Variants in FRA10AC1 observed in about 807,000 individuals in gnomAD.
FRA10AC1 encodes protein FRA10AC1.
In FRA10AC1, 43 loss-of-function variants were observed where a neutral mutation model predicts 56.5. The ratio of observed to expected loss-of-function variants is 0.76; its 90% confidence interval spans 0.60 to 0.98. The LOEUF is 0.98. Among genes scored for constraint, FRA10AC1 ranks in the 50% least tolerant of loss-of-function variants. The pLI, the probability that FRA10AC1 is intolerant of heterozygous loss-of-function variation, is 0.00. For missense variants in FRA10AC1, 346 were observed against 351.8 expected, an observed-to-expected ratio of 0.98 and a Z score of 0.13; for synonymous variants, 112 against 110.5, an observed-to-expected ratio of 1.01 and a Z score of -0.09.
At chr10:93,693,673 C>CCATATATATATACACCATATATATATAT (rs2059179282) in intron 5 of FRA10AC1, among the ~76,000 whole-genome samples, 1 of 92,094 alleles carries the variant, frequency 1.1e-5, no homozygotes, top group Non-Finnish European at 2.4e-5. Flanking sequence ...ATATATACAC[C>CCATATATATATACACCATATATATATAT]ATATATATAT....
intron 9 of FRA10AC1, 134 bp downstream of exon 9, chr10:93,685,112 T>C (rs1317181956): frequency 1.7e-6 from 1 of 577,740 alleles, no homozygotes; most frequent in Non-Finnish European, 3.0e-6. Flanking sequence ...TTTGAGACTT[T>C]GGGAAGCTCC....
At chr10:93,695,557 C>T (rs1204396776) in intron 4 of FRA10AC1, among the ~76,000 whole-genome samples, 1 of 151,914 alleles carries the variant, frequency 6.6e-6, no homozygotes, top group East Asian at 1.9e-4. Flanking sequence ...TTTTAAAAAG[C>T]TCAACAGCAC....
At chr10:93,693,501 TATATATACAC>T (rs2059163571) in intron 5 of FRA10AC1, among the ~76,000 whole-genome samples, 1 of 39,828 alleles carries the variant, frequency 2.5e-5, no homozygotes, top group Non-Finnish European at 7.6e-5. Flanking sequence ...TATATATATA[TATATATACAC>T]CATATATATA....
chr10:93,694,592 T>C (rs2059196715), intron 5 of FRA10AC1, among the ~76,000 whole-genome samples: 1 of 151,782 alleles, frequency 6.6e-6, no homozygotes, highest in Non-Finnish European at 1.5e-5. Flanking sequence ...CAGGAGCCTG[T>C]AATCCCAGCT....
At position 93,698,156 on chromosome 10, in the gene FRA10AC1, G is replaced by T; in HGVS notation, c.199C>A (p.His67Asn). Residue 67 changes from histidine to asparagine, a missense_variant, in exon 4 of 14, where the codon CAT becomes AAT. Physicochemically the swap from His to Asn is moderately conservative, Grantham distance 68 (BLOSUM62 1). Transcript: ENST00000359204. ...DREEARNRRFHLIAMDAYQRH... is the reference protein window; with the variant it reads ...DREEARNRRFNLIAMDAYQRH... Reference sequence around the variant, plus strand: ...GATACAGCATCCATAGCTATGAGATGAAACCTTCTATTTCTTGCTTCTTCC... The same window carrying T: ...GATACAGCATCCATAGCTATGAGATTAAACCTTCTATTTCTTGCTTCTTCC... 1 of 1,579,620 alleles carries T rather than the reference G, an allele frequency of 6.3e-7. No individual in the cohort carries two copies. The highest frequency in any genetic ancestry group is 8.6e-7 in the Non-Finnish European group (1 of 1,159,114).
chr10:93,669,875 A>C lies in FRA10AC1; in HGVS notation c.906-7T>G. The C allele has an allele frequency of 8.6e-7, 1 of 1,159,014 alleles. No individual in the cohort carries two copies. The highest frequency in any genetic ancestry group is 1.2e-6 in the Non-Finnish European group (1 of 832,568). 71.8% of individuals were successfully genotyped at this position (1,159,014 alleles called of 1,614,324 possible). A position where few individuals can be genotyped will look rare whatever the true frequency, so the allele number is the denominator to read the frequency against. ...CTCATCAAATTCTTCTTCCCTATTT[A>C]AAAAAAAAAGCATACTTAAGATCAA... On this transcript the variant is annotated splice_region_variant and splice_polypyrimidine_tract_variant and intron_variant, in intron 13 of 13. Coordinates refer to ENST00000359204, the MANE Select transcript of FRA10AC1 (RefSeq NM_145246.5).
chr10:93,694,891 C>G lies in FRA10AC1; in HGVS notation c.266G>C (p.Gly89Ala), dbSNP rs1205987621. The change falls in exon 5 of 14, where the codon GGT becomes GCT. Residue 89 changes from glycine (G) to alanine (A), a missense_variant. Transcript: ENST00000359204. ...ACGCTTGAAGTCTTCTTTTTTGCCA[C>G]CATAGTATAAAATATAGTCATTTAC... is the stretch of plus-strand genomic sequence containing the variant. ...KFVNDYILYY[G>A]GKKEDFKRLG... 6.3e-7 allele frequency: 1 copy of G among 1,586,898 alleles called. No homozygotes were observed. The highest frequency in any genetic ancestry group is 8.7e-7 in the Non-Finnish European group (1 of 1,155,738).
At chr10:93,702,804 C>G (rs1281965445), upstream of FRA10AC1, among the ~76,000 whole-genome samples, 2 of 151,722 alleles carry the variant, frequency 1.3e-5, no homozygotes, top group African/African-American at 4.8e-5. Flanking sequence ...CATCTAGTAC[C>G]GCTGGCACTG....
Position 93,693,507 on chromosome 10 carries a change from T to C in FRA10AC1, c.297-778A>G, listed in dbSNP as rs1330457044. On this transcript the variant is annotated intron_variant, in intron 5 of 13. Transcript: ENST00000359204. ...GTATATATATATATATATATATATA[T>C]ACACCATATATATATATATACACCA... Among the ~76,000 whole-genome samples the C allele has an allele frequency of 4.6e-3, 117 of 25,514 alleles. 13 individuals carry two copies. Among genetic ancestry groups the C allele is most frequent in the East Asian group, 8.5e-3 (5 of 588 alleles). 16.7% of individuals were successfully genotyped at this position (25,514 alleles called of 152,430 possible).
intron 4 of FRA10AC1, among the ~76,000 whole-genome samples, chr10:93,695,373 A>C (rs1430841343): frequency 6.6e-6 from 1 of 151,814 alleles, no homozygotes; most frequent in Non-Finnish European, 1.5e-5. Flanking sequence ...AAAGCCTCTA[A>C]ATAGAAGATG....
In FRA10AC1 at chr10:93,670,879, A is replaced by G. The variant is rs1206594063; in HGVS notation, c.827-31T>C. 3 of 1,402,606 alleles carry G rather than the reference A, an allele frequency of 2.1e-6. No individual in the cohort carries two copies. The South Asian group carries it at 3.5e-5, about 16-fold the overall frequency. 86.9% of individuals were successfully genotyped at this position (1,402,606 alleles called of 1,614,324 possible). ...CATTTAAAAAAGATGATTTTTAAAAACCTATTATACTTAAAGCACATTTTG... is the reference window on the plus strand; with the variant it reads ...CATTTAAAAAAGATGATTTTTAAAAGCCTATTATACTTAAAGCACATTTTG... On this transcript the variant is annotated intron_variant, in intron 12 of 13. Coordinates refer to ENST00000359204, the MANE Select transcript of FRA10AC1 (RefSeq NM_145246.5).
chr10:93,677,929 T>C (rs1396019934), intron 11 of FRA10AC1, among the ~76,000 whole-genome samples: 1 of 152,210 alleles, frequency 6.6e-6, no homozygotes, highest in Non-Finnish European at 1.5e-5. Context: ...GTGGTTGAAT[T>C]CACTGATTCA....
chr10:93,693,642 C>T (rs11597966), intron 5 of FRA10AC1, among the ~76,000 whole-genome samples: 3 of 136,854 alleles, frequency 2.2e-5, no homozygotes, highest in Non-Finnish European at 4.8e-5. Context: ...TATATATACA[C>T]ACCATATATA....
At chr10:93,685,561 A>T in intron 8 of FRA10AC1, 1 of 403,924 alleles carries the variant, frequency 2.5e-6, no homozygotes, top group East Asian at 4.6e-5. Context: ...TCAGTCACAG[A>T]ATTCTTGCTT....
In FRA10AC1 at chr10:93,698,300, C is replaced by T; in HGVS notation, c.173+1G>A. The T allele has an allele frequency of 1.2e-6, 2 of 1,600,982 alleles. No individual in the cohort carries two copies. Among genetic ancestry groups the T allele is most frequent in the Non-Finnish European group, 1.7e-6 (2 of 1,169,234 alleles). On this transcript the variant is annotated splice_donor_variant, in intron 3 of 13. Coordinates refer to ENST00000359204, the MANE Select transcript of FRA10AC1 (RefSeq NM_145246.5). LOFTEE classifies it high-confidence loss of function. The stretch of plus-strand genomic sequence containing the variant: ...ATAGAATTGACACTGAAATACCATA[C>T]CTATCCAGCAATTCTGCTGCAACTT...
At chr10:93,700,238 C>T in intron 1 of FRA10AC1, 132 bp from the exon 2 acceptor site, 2 of 541,052 alleles carry the variant, frequency 3.7e-6, no homozygotes, top group Admixed American at 6.9e-5. Flanking sequence ...TTCCTATTCA[C>T]AGGCCATCTA....
Position 93,694,747 on chromosome 10 carries a change from C to T in FRA10AC1, c.296+114G>A. The T allele has an allele frequency of 4.5e-5, 17 of 381,892 alleles. No individual in the cohort carries two copies. The South Asian group carries it at 4.5e-4, about 10-fold the overall frequency. The allele number at this position is 381,892 out of a possible 1,614,324, so 23.7% of individuals were successfully genotyped here. On this transcript the variant is annotated intron_variant, in intron 5 of 13. Transcript: ENST00000359204. ...AAAAAAAAAAAAAAAAAAAAAAAGG[C>T]ACACCGGAATAGAAAGCAGGGAAGA...
Position 93,702,522 on chromosome 10 carries a change from A to ACCCCCGCCGCCGCCGCCG in FRA10AC1, c.-149_-148insCGGCGGCGGCGGCGGGGG, listed in dbSNP as rs60832838. 4.7e-6 allele frequency: 1 copy of ACCCCCGCCGCCGCCGCCG among 211,550 alleles called. No individual in the cohort carries two copies. Among genetic ancestry groups the ACCCCCGCCGCCGCCGCCG allele is most frequent in the African/African-American group, 2.4e-5 (1 of 40,848 alleles). 13.1% of individuals were successfully genotyped at this position (211,550 alleles called of 1,614,324 possible). ...GCCGCACAGCCTCGCCACAACCACCACCGCCGCCGCCGCCGCCGCCGCCGC... is the reference window on the plus strand; with the variant it reads ...GCCGCACAGCCTCGCCACAACCACCACCCCCGCCGCCGCCGCCGCCGCCGCCGCCGCCGCCGCCGCCGC... On this transcript the variant is annotated 5_prime_UTR_variant, in exon 1 of 14. Transcript: ENST00000359204.
At position 93,693,668 on chromosome 10, in the gene FRA10AC1, T is replaced by C. The variant is rs965590004; in HGVS notation, c.297-939A>G. Among the ~76,000 whole-genome samples the C allele has an allele frequency of 1.4e-3, 138 of 101,628 alleles. 2 individuals are homozygous for C. Among genetic ancestry groups the C allele is most frequent in the African/African-American group, 3.6e-3 (129 of 35,946 alleles). 66.7% of individuals were successfully genotyped at this position (101,628 alleles called of 152,430 possible). A position where few individuals can be genotyped will look rare whatever the true frequency, so the allele number is the denominator to read the frequency against. ...ACCATATATATATACCATATATATATACACCATATATATATATATATACCA... is the reference window on the plus strand; with the variant it reads ...ACCATATATATATACCATATATATACACACCATATATATATATATATACCA... On this transcript the variant is annotated intron_variant, in intron 5 of 13. Coordinates refer to ENST00000359204, the MANE Select transcript of FRA10AC1 (RefSeq NM_145246.5).
Sources: gnomAD v4.1 joint callset for allele counts (sites outside exome capture counted in the v4.1 genomes callset) on GRCh38, gnomAD v4.1.1 for gene constraint, MANE v1.5 for transcripts, NCBI Gene and HGNC (gene_info 2026-07-23, HGNC 2026-07-21) for gene names.